The following DCC variants were observed in gnomAD, a reference collection of about 807,000 sequenced individuals.
DCC encodes the protein netrin receptor DCC.
Under a neutral mutation model 172.5 loss-of-function variants are expected in DCC, and 58 were observed. The observed-to-expected ratio is 0.34, with a 90% CI of 0.27 to 0.42. The LOEUF (loss-of-function observed/expected upper bound fraction) is 0.42. DCC is among the 10% of genes least tolerant of loss of function. DCC has a pLI of 1.00. For synonymous variants in DCC, 709 were observed against 644.5 expected (o/e 1.10, Z -1.52); for missense variants, 1,740 against 1,791.0 (o/e 0.97, Z 0.51).
At chr18:53,001,561 C>G (rs1599016735) in intron 5 of DCC, among the ~76,000 whole-genome samples, 1 of 152,166 alleles carries the variant, frequency 6.6e-6, no homozygotes, top group African/African-American at 2.4e-5. Context: ...TCTTGGATAA[C>G]TTTCTGAAAA....
intron 14 of DCC, among the ~76,000 whole-genome samples, chr18:53,327,732 T>A (rs895311264): frequency 2.0e-5 from 3 of 151,912 alleles, no homozygotes; most frequent in African/African-American, 7.3e-5. Flanking sequence ...GGGTAAGGAG[T>A]GCGATTTACA....
intron 1 of DCC, among the ~76,000 whole-genome samples, chr18:52,690,891 C>T (rs1243038757): frequency 3.3e-5 from 5 of 151,954 alleles, no homozygotes; most frequent in Admixed American, 6.6e-5. Flanking sequence ...AGGGGCTTCT[C>T]GGGTAGGTGA....
At chr18:52,896,552 A>G (rs2039733632) in intron 2 of DCC, among the ~76,000 whole-genome samples, 1 of 152,250 alleles carries the variant, frequency 6.6e-6, no homozygotes, top group South Asian at 2.1e-4. Context: ...GATTTTAAGA[A>G]GAATCTAGAA....
intron 5 of DCC, among the ~76,000 whole-genome samples, chr18:52,929,624 A>G (rs2040273175): frequency 6.6e-6 from 1 of 152,056 alleles, no homozygotes; most frequent in Non-Finnish European, 1.5e-5. Context: ...AATATCGGGT[A>G]TTGCTTATTT....
chr18:52,518,260 G>A (rs2031700981), intron 1 of DCC, among the ~76,000 whole-genome samples: 1 of 152,152 alleles, frequency 6.6e-6, no homozygotes, highest in South Asian at 2.1e-4. Context: ...GAGCCCTCTA[G>A]GTCTGAGATT....
intron 7 of DCC, among the ~76,000 whole-genome samples, chr18:53,100,540 A>G (rs989262239): frequency 1.3e-5 from 2 of 152,034 alleles, no homozygotes; most frequent in African/African-American, 4.8e-5. Flanking sequence ...GGAGGGAGGG[A>G]AAGAAGAAAG....
chr18:52,896,248 T>C (rs895430908), intron 2 of DCC, among the ~76,000 whole-genome samples: 5 of 152,204 alleles, frequency 3.3e-5, no homozygotes, highest in Non-Finnish European at 7.4e-5. Context: ...TAATTACTAG[T>C]GAATATTTGT....
chr18:52,454,996 TG>T (rs1368841148), intron 1 of DCC, among the ~76,000 whole-genome samples: 3 of 152,190 alleles, frequency 2.0e-5, no homozygotes, highest in Non-Finnish European at 4.4e-5. Flanking sequence ...CGTTTCATCA[TG>T]TTTTATTCAT....
At chr18:52,686,033 T>G (rs760886479) in intron 1 of DCC, among the ~76,000 whole-genome samples, 1 of 151,818 alleles carries the variant, frequency 6.6e-6, no homozygotes, top group Non-Finnish European at 1.5e-5. Context: ...CAGGACAGTC[T>G]ACTGTGACCT....
intron 5 of DCC, among the ~76,000 whole-genome samples, chr18:52,958,919 T>A (rs756675054): frequency 4.6e-5 from 7 of 152,130 alleles, no homozygotes; most frequent in Non-Finnish European, 1.0e-4. Context: ...CAGCCCAGGA[T>A]GGCTTTGAAT....
At chr18:53,090,009 C>A (rs1413001758) in intron 7 of DCC, among the ~76,000 whole-genome samples, 1 of 152,158 alleles carries the variant, frequency 6.6e-6, no homozygotes, top group East Asian at 1.9e-4. Context: ...TTTGGCTCTA[C>A]TTTCTCCCCA....
chr18:52,823,680 A>G (rs1835711), intron 2 of DCC, among the ~76,000 whole-genome samples: 19,665 of 152,114 alleles, frequency 0.13, 1,324 homozygotes, highest in South Asian at 0.21. Flanking sequence ...GAAAATTCAT[A>G]GATCAGAATC....
At chr18:52,891,715 C>A (rs750279789) in intron 2 of DCC, among the ~76,000 whole-genome samples, 2 of 152,062 alleles carry the variant, frequency 1.3e-5, no homozygotes, top group Admixed American at 6.6e-5. Context: ...TTGACCCATC[C>A]CTTTTCCTCA....
chr18:53,310,639 T>C (rs770037182), intron 13 of DCC, among the ~76,000 whole-genome samples: 1 of 152,148 alleles, frequency 6.6e-6, no homozygotes, highest in Admixed American at 6.5e-5. Flanking sequence ...GGAAGGTTGT[T>C]TGAATTGAAT....
chr18:53,183,090 T>A (rs542624115), intron 9 of DCC, among the ~76,000 whole-genome samples: 1 of 152,178 alleles, frequency 6.6e-6, no homozygotes, highest in Non-Finnish European at 1.5e-5. Context: ...ATAGCTTGTA[T>A]ACAAATTGAA....
chr18:53,380,483 T>C (rs1907636965), intron 15 of DCC, among the ~76,000 whole-genome samples: 1 of 152,178 alleles, frequency 6.6e-6, no homozygotes, highest in Non-Finnish European at 1.5e-5. Context: ...AGATCAATTA[T>C]TGGATCAAAC....
chr18:53,281,123 G>A (rs1237804291), intron 12 of DCC, among the ~76,000 whole-genome samples: 1 of 152,068 alleles, frequency 6.6e-6, no homozygotes, highest in Non-Finnish European at 1.5e-5. Context: ...TTTTTTAAAT[G>A]TTTATAGCAC....
chr18:52,445,079 C>T (rs1988081006), intron 1 of DCC, among the ~76,000 whole-genome samples: 1 of 151,954 alleles, frequency 6.6e-6, no homozygotes, highest in Non-Finnish European at 1.5e-5. Context: ...AACACAGGAG[C>T]TATTGAACAT....
intron 1 of DCC, among the ~76,000 whole-genome samples, chr18:52,417,643 C>G (rs981607854): frequency 6.6e-6 from 1 of 152,144 alleles, no homozygotes; most frequent in Admixed American, 6.6e-5. Flanking sequence ...CACTGATACC[C>G]TTTCTTCCAG....
Sources: gnomAD v4.1 joint callset for allele counts (sites outside exome capture counted in the v4.1 genomes callset) on GRCh38, gnomAD v4.1.1 for gene constraint, MANE v1.5 for transcripts, NCBI Gene and HGNC (gene_info 2026-07-23, HGNC 2026-07-21) for gene names.